The following ELANE variants were observed in gnomAD, a reference collection of about 807,000 sequenced individuals.
The protein encoded by ELANE is elastase, neutrophil expressed.
Under a neutral mutation model 20.6 loss-of-function variants are expected in ELANE, and 12 were observed. The ratio of observed to expected loss-of-function variants is 0.58; its 90% CI spans 0.37 to 0.94. The LOEUF (loss-of-function observed/expected upper bound fraction) is 0.94, where lower values mean the gene tolerates loss of function less well. Ranked by LOEUF, ELANE falls within the 40% of genes least tolerant of loss-of-function variation. The pLI, the probability that ELANE is intolerant of heterozygous loss-of-function variation, is 0.01. For synonymous variants in ELANE, 203 were observed against 177.4 expected (o/e 1.14, Z -1.15); for missense variants, 388 against 395.2 (o/e 0.98, Z 0.15).
intron 1 of ELANE, 108 bp from the exon 2 acceptor site, chr19:852,768 C>G: frequency 6.9e-7 from 1 of 1,456,772 alleles, no homozygotes; most frequent in South Asian, 1.3e-5. Context: ...CCGTGGGTTC[C>G]CGGTGGGGGA....
In ELANE at chr19:852,437, G is replaced by A. The variant is rs759681138; in HGVS notation, c.67+42G>A. On this transcript the variant is annotated intron_variant, in intron 1 of 4. Coordinates refer to ENST00000263621, the MANE Select transcript of ELANE (RefSeq NM_001972.4). ...AACCTCCCGCTGCTCCCTCTGTCCC[G>A]GGTTCTGTTCCCACCTCTCCATAGA... is the stretch of plus-strand genomic sequence containing the variant. 5.0e-6 allele frequency: 8 copies of A among 1,590,070 alleles called. No individual in the cohort carries two copies. The East Asian group carries it at 9.2e-5, about 18-fold the overall frequency.
Position 855,767 on chromosome 19 carries a change from G to GA in ELANE, c.571dup (p.Arg191LysfsTer99). The GA allele has an allele frequency of 6.2e-7, 1 of 1,609,194 alleles. No individual in the cohort carries two copies. The highest frequency in any genetic ancestry group is 8.5e-7 in the Non-Finnish European group (1 of 1,179,948). ...GTCGCAGCAACGTCTGCACTCTCGTGAGGGGCCGGCAGGCCGGCGTCTGTT... is the reference window on the plus strand; with the variant it reads ...GTCGCAGCAACGTCTGCACTCTCGTGAAGGGGCCGGCAGGCCGGCGTCTGTT... On this transcript the variant is annotated frameshift_variant, in exon 4 of 5. Coordinates refer to ENST00000263621, the MANE Select transcript of ELANE (RefSeq NM_001972.4). LOFTEE classifies it low-confidence loss of function (END_TRUNC). This position sits in a 1 kb window ranked among gnomAD's most constrained non-coding sequence, Gnocchi z 6.2.
chr19:853,273 C>A lies in ELANE; in HGVS notation c.236C>A (p.Ala79Glu). 1 of 1,603,796 alleles carries A rather than the reference C, an allele frequency of 6.2e-7. No individual in the cohort carries two copies. The highest frequency in any genetic ancestry group is 2.3e-5 in the East Asian group (1 of 44,368). Residue 79 changes from alanine (A) to glutamate (E), a missense_variant, in exon 3 of 5, where the codon GCG becomes GAG. By Grantham distance (107) the Ala-to-Glu change is moderately radical. Around this residue, in one of 3 missense-constraint regions of ELANE, gnomAD observed 321 missense variants for 309.8 expected, o/e 1.04. Transcript: ENST00000263621. ...TCCCTCCCCGGCAGAAACGTCCGCG[C>A]GGTGCGGGTGGTCCTGGGAGCCCAT... ...AHCVANVNVRAVRVVLGAHNL... is the reference protein window; with the variant it reads ...AHCVANVNVREVRVVLGAHNL...
chr19:853,441 C>T (rs2035628770), intron 3 of ELANE, 38 bp downstream of exon 3: 3 of 1,559,110 alleles, frequency 1.9e-6, no homozygotes, highest in African/African-American at 1.4e-5. Context: ...GGGGCGGAGG[C>T]CAGAGGCCTG....
chr19:853,452 G>A (rs1460464892), intron 3 of ELANE, 49 bp downstream of exon 3: 1 of 1,548,794 alleles, frequency 6.5e-7, no homozygotes, highest in Non-Finnish European at 8.7e-7. Context: ...CAGAGGCCTG[G>A]GGAGGGTGGA....
rs199670861 is a variant in ELANE at position 856,047 on chromosome 19, C to T, written c.687C>T (p.Pro229=). ...VRGGCASGLY[P]DAFAPVAQFV... is the part of the protein sequence containing the mutation. ...GAGGCTGCGCCTCAGGGCTCTACCC[C>T]GATGCCTTTGCCCCGGTGGCACAGT... Residue 229 remains proline (P), a synonymous_variant, in exon 5 of 5, where the codon CCC becomes CCT. Coordinates refer to ENST00000263621, the MANE Select transcript of ELANE (RefSeq NM_001972.4). 1.7e-5 allele frequency: 28 copies of T among 1,613,562 alleles called. No individual in the cohort carries two copies. In the East Asian group the frequency reaches 2.0e-4, roughly 12 times the overall value.
Position 853,242 on chromosome 19 carries a change from C to G in ELANE, c.225-20C>G. The G allele has an allele frequency of 6.3e-7, 1 of 1,577,414 alleles. No homozygotes were observed. ...GACCCCCGGGGCCGCCCCTGAGCCCCGCCTCTCCCTCCCCGGCAGAAACGT... is the reference window on the plus strand; with the variant it reads ...GACCCCCGGGGCCGCCCCTGAGCCCGGCCTCTCCCTCCCCGGCAGAAACGT... On this transcript the variant is annotated intron_variant, in intron 2 of 4. Coordinates refer to ENST00000263621, the MANE Select transcript of ELANE (RefSeq NM_001972.4).
Position 852,857 on chromosome 19 carries a change from G to T in ELANE, c.68-19G>T. ...GCTCCTTGGCAGGCACTCAGCACCC[G>T]CACCCGGTGTGTCCCCAGGCACCGC... On this transcript the variant is annotated intron_variant, in intron 1 of 4. Coordinates refer to ENST00000263621, the MANE Select transcript of ELANE (RefSeq NM_001972.4). The T allele has an allele frequency of 1.3e-6, 2 of 1,591,688 alleles. No individual in the cohort carries two copies. The highest frequency in any genetic ancestry group is 1.3e-5 in the African/African-American group (1 of 74,754).
rs754547435 is a variant in ELANE, at chr19:855,567, A to G, written c.370A>G (p.Asn124Asp). The change falls in exon 4 of 5, where the codon AAC becomes GAC. Residue 124 changes from asparagine (N) to aspartate (D), a missense_variant. Asn to Asp is a conservative substitution (Grantham distance 23). Around this residue, in one of 3 missense-constraint regions of ELANE, gnomAD observed 321 missense variants for 309.8 expected, o/e 1.04. Transcript: ENST00000263621. This position sits in a 1 kb window ranked among gnomAD's most constrained non-coding sequence, Gnocchi z 6.2. ...LLNDIVILQL[N>D]GSATINANVQ... ...CGATCTGTCCCCACCGCCACAGCTCAACGGGTCGGCCACCATCAACGCCAA... is the reference window on the plus strand; with the variant it reads ...CGATCTGTCCCCACCGCCACAGCTCGACGGGTCGGCCACCATCAACGCCAA... The G allele has an allele frequency of 2.5e-6, 4 of 1,598,810 alleles. No individual in the cohort carries two copies. The African/African-American group carries it at 4.0e-5, about 16-fold the overall frequency.
chr19:855,476 C>A lies in ELANE; in HGVS notation c.367-88C>A. ...CAGGATCCCAGAACCACAGTGGAACCTGAGATGGGGAAACTGAGGCCCGGA... is the reference window on the plus strand; with the variant it reads ...CAGGATCCCAGAACCACAGTGGAACATGAGATGGGGAAACTGAGGCCCGGA... On this transcript the variant is annotated intron_variant, in intron 3 of 4. Transcript: ENST00000263621. This position sits in a 1 kb window ranked among gnomAD's most constrained non-coding sequence, Gnocchi z 6.2. 3 of 1,417,590 alleles carry A rather than the reference C, an allele frequency of 2.1e-6. No individual in the cohort carries two copies. The highest frequency in any genetic ancestry group is 1.2e-5 in the South Asian group (1 of 82,910). 87.8% of individuals were successfully genotyped at this position (1,417,590 alleles called of 1,614,324 possible).
rs1211839395 is a variant in ELANE, at chr19:853,268, C to G, written c.231C>G (p.Val77=). The G allele has an allele frequency of 6.2e-7, 1 of 1,601,582 alleles. No individual in the cohort carries two copies. The highest frequency in any genetic ancestry group is 8.5e-7 in the Non-Finnish European group (1 of 1,174,856). The change falls in exon 3 of 5, where the codon GTC becomes GTG. Residue 77 remains valine (V), a synonymous_variant. Coordinates refer to ENST00000263621, the MANE Select transcript of ELANE (RefSeq NM_001972.4). ...GCCTCTCCCTCCCCGGCAGAAACGT[C>G]CGCGCGGTGCGGGTGGTCCTGGGAG... ...SAAHCVANVN[V]RAVRVVLGAH...
intron 3 of ELANE, among the ~76,000 whole-genome samples, chr19:854,109 G>T (rs1243805251): frequency 6.6e-6 from 1 of 152,202 alleles, no homozygotes; most frequent in Non-Finnish European, 1.5e-5. Context: ...AGGGGCAAAA[G>T]TCCCCACCTT....
rs137854447 is a variant in ELANE at position 852,990 on chromosome 19, C to G, written c.182C>G (p.Ala61Gly). The G allele has an allele frequency of 1.9e-6, 3 of 1,579,780 alleles. No individual in the cohort carries two copies. The highest frequency in any genetic ancestry group is 2.6e-6 in the Non-Finnish European group (3 of 1,169,904). Residue 61 changes from alanine (A) to glycine (G), a missense_variant, in exon 2 of 5, where the codon GCG becomes GGG. Around this residue, in one of 3 missense-constraint regions of ELANE, gnomAD observed 321 missense variants for 309.8 expected, o/e 1.04. Transcript: ENST00000263621. The part of the protein sequence containing the change: ...GGHFCGATLI[A>G]PNFVMSAAHC... Reference sequence around the variant, plus strand: ...CACTTCTGCGGCGCCACCCTGATTGCGCCCAACTTCGTCATGTCGGCCGCG... The same window carrying G: ...CACTTCTGCGGCGCCACCCTGATTGGGCCCAACTTCGTCATGTCGGCCGCG...
Position 856,241 on chromosome 19 carries a change from G to T in ELANE, c.*77G>T. ...TGGCACAATAAACATTCTCTGTTTTGTAGAATGTGTTTGATGCTCCTTGGC... is the reference window on the plus strand; with the variant it reads ...TGGCACAATAAACATTCTCTGTTTTTTAGAATGTGTTTGATGCTCCTTGGC... On this transcript the variant is annotated 3_prime_UTR_variant, in exon 5 of 5. Transcript: ENST00000263621. 6.4e-7 allele frequency: 1 copy of T among 1,572,610 alleles called. No homozygotes were observed.
chr19:855,543 G>A lies in ELANE; in HGVS notation c.367-21G>A, dbSNP rs199959316. 6 of 1,597,510 alleles carry A rather than the reference G, an allele frequency of 3.8e-6. No individual in the cohort carries two copies. In the South Asian group the frequency reaches 4.4e-5, roughly 12 times the overall value. ...TCACTGCCCCGTGTGACGCGCTGAC[G>A]ATCTGTCCCCACCGCCACAGCTCAA... is the stretch of plus-strand genomic sequence containing the variant. On this transcript the variant is annotated intron_variant, in intron 3 of 4. Transcript: ENST00000263621. This position sits in a 1 kb window ranked among gnomAD's most constrained non-coding sequence, Gnocchi z 6.2.
rs779008936 is a variant in ELANE at position 855,710 on chromosome 19, G to T, written c.513G>T (p.Glu171Asp). ...RNRGIASVLQ[E>D]LNVTVVTSLC... The stretch of plus-strand genomic sequence containing the variant: ...GTGGGATCGCCAGCGTCCTGCAGGA[G>T]CTCAACGTGACGGTGGTGACGTCCC... The change falls in exon 4 of 5, where the codon GAG becomes GAT. Residue 171 changes from glutamate to aspartate, a missense_variant. By Grantham distance (45) the Glu-to-Asp change is conservative. Transcript: ENST00000263621. This position sits in a 1 kb window ranked among gnomAD's most constrained non-coding sequence, Gnocchi z 6.2. 1 of 1,609,994 alleles carries T rather than the reference G, an allele frequency of 6.2e-7. No homozygotes were observed.
chr19:853,358 C>A lies in ELANE; in HGVS notation c.321C>A (p.Asn107Lys), dbSNP rs200786414. Residue 107 changes from asparagine to lysine, a missense_variant, in exon 3 of 5, where the codon AAC becomes AAA. Physicochemically the swap from Asn to Lys is moderately conservative, Grantham distance 94 (BLOSUM62 0). Around this residue, in one of 3 missense-constraint regions of ELANE, gnomAD observed 321 missense variants for 309.8 expected, o/e 1.04. Coordinates refer to ENST00000263621, the MANE Select transcript of ELANE (RefSeq NM_001972.4). ...QVFAVQRIFE[N>K]GYDPVNLLND... ...TCGCCGTGCAGCGCATCTTCGAAAACGGCTACGACCCCGTAAACTTGCTCA... is the reference window on the plus strand; with the variant it reads ...TCGCCGTGCAGCGCATCTTCGAAAAAGGCTACGACCCCGTAAACTTGCTCA... 6.2e-7 allele frequency: 1 copy of A among 1,611,582 alleles called. No individual in the cohort carries two copies. The highest frequency in any genetic ancestry group is 1.1e-5 in the South Asian group (1 of 90,952).
chr19:852,744 CCCGGTGGGGGATCCCGTGGGTT>C (rs2035613441), intron 1 of ELANE, 110 bp from the exon 2 acceptor site: 1 of 1,310,842 alleles, frequency 7.6e-7, no homozygotes, highest in African/African-American at 1.8e-5. Context: ...CCCGTGGGTT[CCCGGTGGGGGATCCCGTGGGTT>C]CCCGGTGGGG....
rs17216649 is a variant in ELANE at position 855,966 on chromosome 19, C to T, written c.606C>T (p.Ser202=). ...CTTGTCTGCCTCCACAGGGGGACTC[C>T]GGCAGCCCCTTGGTCTGCAACGGGC... ...GRQAGVCFGD[S]GSPLVCNGLI... The change falls in exon 5 of 5, where the codon TCC becomes TCT. Residue 202 remains serine, a synonymous_variant. Coordinates refer to ENST00000263621, the MANE Select transcript of ELANE (RefSeq NM_001972.4). This position sits in a 1 kb window ranked among gnomAD's most constrained non-coding sequence, Gnocchi z 6.2. The T allele has an allele frequency of 3.6e-4, 579 of 1,613,142 alleles. 10 individuals carry two copies. In the East Asian group the frequency reaches 6.5e-3, roughly 18 times the overall value.
Sources: allele counts gnomAD v4.1 joint callset (sites outside exome capture counted in the v4.1 genomes callset), GRCh38; gene constraint gnomAD v4.1.1; regional missense constraint gnomAD v4.1.1; non-coding constraint Gnocchi (gnomAD v3.1); transcripts MANE v1.5; gene names NCBI Gene and HGNC (gene_info 2026-07-23, HGNC 2026-07-21).